The following SYT16 variants were observed in gnomAD, a reference collection of about 807,000 sequenced individuals.
The protein encoded by SYT16 is synaptotagmin-16.
SYT16 carries 42 observed loss-of-function variants against 61.4 expected under a neutral mutation model. The ratio of observed to expected loss-of-function variants is 0.68; its 90% CI spans 0.53 to 0.89. The LOEUF (loss-of-function observed/expected upper bound fraction) is 0.89. Ranked by LOEUF, SYT16 falls within the 40% of genes least tolerant of loss-of-function variation. The probability of loss-of-function intolerance (pLI) is 0.00; values close to 1 mark genes in which losing one functional copy is unlikely to be tolerated. For missense variants in SYT16, 804 were observed against 807.3 expected, an observed-to-expected ratio of 1.00 and a Z score of 0.05; for synonymous variants, 314 against 302.3, an observed-to-expected ratio of 1.04 and a Z score of -0.40.
intron 2 of SYT16, among the ~76,000 whole-genome samples, chr14:61,987,910 C>T (rs1458338024): frequency 6.6e-6 from 1 of 152,022 alleles, no homozygotes; most frequent in Non-Finnish European, 1.5e-5. Flanking sequence ...TACTTTTGAG[C>T]CTAGTGCCTT....
intron 3 of SYT16, among the ~76,000 whole-genome samples, chr14:62,030,850 G>C (rs1395321174): frequency 1.3e-5 from 2 of 152,110 alleles, no homozygotes; most frequent in Non-Finnish European, 2.9e-5. Context: ...TAATTTATCT[G>C]TTGCATTTGG....
chr14:61,890,811 C>A (rs1286003877), intron 1 of SYT16, among the ~76,000 whole-genome samples: 1 of 152,160 alleles, frequency 6.6e-6, no homozygotes, highest in Non-Finnish European at 1.5e-5. Flanking sequence ...AGAGGGCTGG[C>A]TTCCTGCATG....
intron 1 of SYT16, among the ~76,000 whole-genome samples, chr14:61,906,711 T>TTCCA (rs761316889): frequency 0.013 from 733 of 55,698 alleles, 3 homozygotes; most frequent in Admixed American, 0.023. Context: ...CCATCCATCC[T>TTCCA]TCCATCCATC....
At chr14:62,015,897 G>A (rs1240418952) in intron 3 of SYT16, among the ~76,000 whole-genome samples, 2 of 152,130 alleles carry the variant, frequency 1.3e-5, no homozygotes, top group Non-Finnish European at 2.9e-5. Context: ...AAAATAAATC[G>A]TGACTATTAT....
intron 7 of SYT16, among the ~76,000 whole-genome samples, chr14:62,092,487 T>C (rs961442635): frequency 1.3e-5 from 2 of 151,940 alleles, no homozygotes; most frequent in Non-Finnish European, 2.9e-5. Context: ...TAAGTGTCCA[T>C]TGAGGGATTA....
At chr14:61,937,896 C>T (rs529519319) in intron 1 of SYT16, among the ~76,000 whole-genome samples, 11 of 152,168 alleles carry the variant, frequency 7.2e-5, no homozygotes, top group Admixed American at 2.6e-4. Flanking sequence ...ACAGAATACC[C>T]GCTTGTACAA....
intron 2 of SYT16, among the ~76,000 whole-genome samples, chr14:61,985,388 T>C (rs1379715953): frequency 6.6e-6 from 1 of 152,172 alleles, no homozygotes; most frequent in Non-Finnish European, 1.5e-5. Context: ...GTCTGTGCCC[T>C]AGGATTTAGA....
chr14:61,883,412 G>A (rs1041316621), intron 1 of SYT16, among the ~76,000 whole-genome samples: 2 of 152,098 alleles, frequency 1.3e-5, no homozygotes, highest in African/African-American at 4.8e-5. Context: ...GATCTCTAGG[G>A]CAGAGGCAAA....
At chr14:62,085,251 G>A (rs930493651) in intron 7 of SYT16, among the ~76,000 whole-genome samples, 4 of 152,174 alleles carry the variant, frequency 2.6e-5, no homozygotes, top group Admixed American at 1.3e-4. Context: ...AGCTTGAAAG[G>A]GGGGCAGGAA....
intron 4 of SYT16, among the ~76,000 whole-genome samples, chr14:62,073,661 T>C (rs1432063949): frequency 2.0e-5 from 3 of 152,242 alleles, no homozygotes; most frequent in Non-Finnish European, 4.4e-5. Context: ...TCTGAAGTTC[T>C]GCCCCGAGGA....
intron 1 of SYT16, among the ~76,000 whole-genome samples, chr14:61,941,756 A>G (rs1212980664): frequency 6.6e-6 from 1 of 152,164 alleles, no homozygotes; most frequent in Non-Finnish European, 1.5e-5. Context: ...CGCTATGACC[A>G]TAGGTGCAAA....
intron 1 of SYT16, among the ~76,000 whole-genome samples, chr14:61,827,692 A>C (rs939865600): frequency 5.9e-5 from 9 of 151,876 alleles, no homozygotes; most frequent in African/African-American, 1.9e-4. Flanking sequence ...TTATTTACAC[A>C]CTTTTGATAT....
chr14:62,051,715 G>T (rs1315475257), intron 3 of SYT16, among the ~76,000 whole-genome samples: 1 of 152,134 alleles, frequency 6.6e-6, no homozygotes, highest in Non-Finnish European at 1.5e-5. Context: ...TTATATCTCA[G>T]TCGATCTTGT....
chr14:61,915,339 T>G (rs2049081707), intron 1 of SYT16, among the ~76,000 whole-genome samples: 1 of 152,072 alleles, frequency 6.6e-6, no homozygotes, highest in Admixed American at 6.6e-5. Context: ...ACACATACAT[T>G]TAATTCGTGT....
At chr14:61,814,569 T>C (rs887088849) in intron 1 of SYT16, among the ~76,000 whole-genome samples, 2 of 152,218 alleles carry the variant, frequency 1.3e-5, no homozygotes, top group African/African-American at 4.8e-5. Flanking sequence ...CTTCCTTATA[T>C]GGTATACTCA....
intron 7 of SYT16, among the ~76,000 whole-genome samples, chr14:62,084,663 A>C (rs2056828013): frequency 6.6e-6 from 1 of 152,216 alleles, no homozygotes; most frequent in East Asian, 1.9e-4. Flanking sequence ...CATAATGTGT[A>C]TGGGCAATTA....
Position 62,016,241 on chromosome 14 carries a change from C to T in SYT16, c.523+19699C>T, listed in dbSNP as rs551846020. Among the ~76,000 whole-genome samples, 6 of 152,292 alleles carry T rather than the reference C, an allele frequency of 3.9e-5. No individual in the cohort carries two copies. The South Asian group carries it at 1.2e-3, about 32-fold the overall frequency. ...CCATGGCACAGCTCCAAGTCATTTT[C>T]ACAAGAGGTGTCCTCCTGTTAAAAG... On this transcript the variant is annotated intron_variant, in intron 3 of 7. Coordinates refer to ENST00000683842, the MANE Select transcript of SYT16 (RefSeq NM_001367656.1).
At chr14:62,093,384 G>A (rs1217258682) in intron 7 of SYT16, among the ~76,000 whole-genome samples, 1 of 151,918 alleles carries the variant, frequency 6.6e-6, no homozygotes, top group East Asian at 1.9e-4. Flanking sequence ...AAATATATCA[G>A]TAGTCATAAT....
chr14:61,827,109 G>A (rs377367389), intron 1 of SYT16, among the ~76,000 whole-genome samples: 1 of 150,806 alleles, frequency 6.6e-6, no homozygotes, highest in African/African-American at 2.5e-5. Context: ...TGAATTTTGG[G>A]GAACATAATT....
Sources: allele counts gnomAD v4.1 joint callset (sites outside exome capture counted in the v4.1 genomes callset), GRCh38; gene constraint gnomAD v4.1.1; transcripts MANE v1.5; gene names NCBI Gene and HGNC (gene_info 2026-07-23, HGNC 2026-07-21).